RAB2A: variants seen among roughly 807,000 people sequenced by gnomAD.
RAB2A encodes the protein ras-related protein Rab-2A.
RAB2A carries 7 observed loss-of-function variants against 32.5 expected under a neutral mutation model. That is an observed-to-expected ratio of 0.22 (90% confidence interval 0.12 to 0.40). The LOEUF (loss-of-function observed/expected upper bound fraction) is 0.40, where lower values mean the gene tolerates loss of function less well. RAB2A is among the 10% of genes least tolerant of loss of function. The pLI is 1.00. For synonymous variants in RAB2A, 79 were observed against 85.2 expected (o/e 0.93, Z 0.40); for missense variants, 108 against 260.7 (o/e 0.41, Z 4.03).
At chr8:60,583,132 C>T (rs1803790399) in intron 3 of RAB2A, among the ~76,000 whole-genome samples, 1 of 151,960 alleles carries the variant, frequency 6.6e-6, no homozygotes, top group African/African-American at 2.4e-5. Context: ...AGAATATGAG[C>T]CGTCCATGCG....
chr8:60,577,545 C>G (rs895048103), intron 3 of RAB2A, among the ~76,000 whole-genome samples: 1 of 152,084 alleles, frequency 6.6e-6, no homozygotes, highest in African/African-American at 2.4e-5. Context: ...CTTACTGTCA[C>G]CTGGAATAGA....
At chr8:60,547,272 AG>A (rs2130821496) in intron 1 of RAB2A, among the ~76,000 whole-genome samples, 1 of 152,372 alleles carries the variant, frequency 6.6e-6, no homozygotes, top group South Asian at 2.1e-4. Context: ...ACAGAACAAA[AG>A]GAAAAGTCTC....
Position 60,591,926 on chromosome 8 carries a change from T to C in RAB2A, c.431T>C (p.Ile144Thr). ...GEAFAREHGL[I>T]FMETSAKTAS... ...GCTTTTGCACGAGAACATGGACTCA[T>C]CTTCATGGAAACGTCTGCTAAGACT... is the stretch of plus-strand genomic sequence containing the variant. The change falls in exon 6 of 8, where the codon ATC becomes ACC. Residue 144 changes from isoleucine to threonine, a missense_variant. Physicochemically the swap from Ile to Thr is moderately conservative, Grantham distance 89. Around this residue, in one of 4 missense-constraint regions of RAB2A, gnomAD observed 79 missense variants for 199.8 expected, o/e 0.40. Transcript: ENST00000262646. 1 of 1,612,992 alleles carries C rather than the reference T, an allele frequency of 6.2e-7. No homozygotes were observed. Among genetic ancestry groups the C allele is most frequent in the Non-Finnish European group, 8.5e-7 (1 of 1,179,234 alleles).
intron 1 of RAB2A, among the ~76,000 whole-genome samples, chr8:60,518,379 G>A (rs1807244910): frequency 6.6e-6 from 1 of 151,992 alleles, no homozygotes. Flanking sequence ...CATGTTGGCC[G>A]GACGCGGTGG....
At chr8:60,576,138 C>A in intron 3 of RAB2A, 1 of 443,852 alleles carries the variant, frequency 2.3e-6, no homozygotes. Flanking sequence ...TCTATCAGTG[C>A]CTCCCTTTAA....
At chr8:60,577,131 C>T (rs1034747052) in intron 3 of RAB2A, among the ~76,000 whole-genome samples, 1 of 151,978 alleles carries the variant, frequency 6.6e-6, no homozygotes, top group African/African-American at 2.4e-5. Context: ...CCACAGCCTC[C>T]ACCTCCCAGG....
intron 1 of RAB2A, among the ~76,000 whole-genome samples, chr8:60,538,601 A>G (rs1233839974): frequency 1.3e-5 from 2 of 152,210 alleles, no homozygotes; most frequent in African/African-American, 2.4e-5. Context: ...GCTGAGGCCT[A>G]CTGGATGTCA....
At chr8:60,608,717 G>A (rs1486993859) in intron 6 of RAB2A, among the ~76,000 whole-genome samples, 1 of 151,032 alleles carries the variant, frequency 6.6e-6, no homozygotes, top group African/African-American at 2.4e-5. Context: ...TAGGCTGTAT[G>A]TTCAGCTCCA....
chr8:60,604,597 G>A (rs1804194827), intron 6 of RAB2A, among the ~76,000 whole-genome samples: 1 of 152,164 alleles, frequency 6.6e-6, no homozygotes, highest in Non-Finnish European at 1.5e-5. Flanking sequence ...ATTGGGGACT[G>A]GAGCAAAGGT....
At chr8:60,590,617 C>T (rs1212138288) in intron 5 of RAB2A, among the ~76,000 whole-genome samples, 1 of 143,300 alleles carries the variant, frequency 7.0e-6, no homozygotes, top group Non-Finnish European at 1.5e-5. Flanking sequence ...ATATATAATG[C>T]TTATTGTAAC....
intron 1 of RAB2A, among the ~76,000 whole-genome samples, chr8:60,526,055 A>ATATATATG (rs1554550797): frequency 5.0e-5 from 5 of 100,074 alleles, no homozygotes; most frequent in African/African-American, 1.5e-4. Context: ...ATATATATAT[A>ATATATATG]TAAGTTTTCT....
At chr8:60,531,701 A>T (rs1257377508) in intron 1 of RAB2A, among the ~76,000 whole-genome samples, 1 of 152,006 alleles carries the variant, frequency 6.6e-6, no homozygotes, top group African/African-American at 2.4e-5. Context: ...AGATGTCTTC[A>T]TAGTCCACTT....
chr8:60,599,819 G>GGA (rs1563483129), intron 6 of RAB2A, among the ~76,000 whole-genome samples: 1 of 149,834 alleles, frequency 6.7e-6, no homozygotes, highest in Non-Finnish European at 1.5e-5. Context: ...TCTTTTAGGG[G>GGA]AAAAAAAAAG....
At chr8:60,584,897 T>A in intron 5 of RAB2A, 82 bp downstream of exon 5, 12 of 987,942 alleles carry the variant, frequency 1.2e-5, no homozygotes, top group South Asian at 2.1e-5. Flanking sequence ...TAACATTTGT[T>A]CAAATGTGAG....
intron 6 of RAB2A, among the ~76,000 whole-genome samples, chr8:60,605,435 A>T (rs775962032): frequency 7.2e-5 from 11 of 152,180 alleles, no homozygotes; most frequent in Non-Finnish European, 1.0e-4. Flanking sequence ...CTGTGAGAAG[A>T]TGACCACGTC....
intron 3 of RAB2A, among the ~76,000 whole-genome samples, chr8:60,576,688 T>C (rs747731486): frequency 6.6e-6 from 1 of 152,246 alleles, no homozygotes; most frequent in Non-Finnish European, 1.5e-5. Flanking sequence ...TTTGTTTCAA[T>C]GCATCAGTAA....
intron 3 of RAB2A, among the ~76,000 whole-genome samples, chr8:60,577,413 A>G (rs752427341): frequency 6.6e-6 from 1 of 152,084 alleles, no homozygotes; most frequent in Non-Finnish European, 1.5e-5. Context: ...TGTTTTTTCT[A>G]GGTATTTCCA....
intron 6 of RAB2A, among the ~76,000 whole-genome samples, chr8:60,601,102 A>C (rs1352185852): frequency 6.6e-6 from 1 of 152,256 alleles, no homozygotes; most frequent in Non-Finnish European, 1.5e-5. Flanking sequence ...CATCAGGAAG[A>C]AGCCTCCTAA....
intron 1 of RAB2A, among the ~76,000 whole-genome samples, chr8:60,539,425 A>G (rs73259412): frequency 0.042 from 6,431 of 152,312 alleles, 325 homozygotes; most frequent in African/African-American, 0.12. Flanking sequence ...AAGGTGGTAT[A>G]ATTACCATTA....
Sources: allele counts gnomAD v4.1 joint callset (sites outside exome capture counted in the v4.1 genomes callset), GRCh38; gene constraint gnomAD v4.1.1; regional missense constraint gnomAD v4.1.1; transcripts MANE v1.5; gene names NCBI Gene and HGNC (gene_info 2026-07-23, HGNC 2026-07-21).